SPOCK3: variants seen among roughly 807,000 people sequenced by gnomAD.
The protein encoded by SPOCK3 is testican-3.
In SPOCK3, 30 loss-of-function variants were observed where a neutral mutation model predicts 56.6. The ratio of observed to expected loss-of-function variants is 0.53; its 90% CI spans 0.40 to 0.72. SPOCK3 has a LOEUF of 0.72. Ranked by LOEUF, SPOCK3 falls within the 30% of genes least tolerant of loss-of-function variation. The probability of loss-of-function intolerance (pLI) is 0.00; values close to 1 mark genes in which losing one functional copy is unlikely to be tolerated. For missense variants in SPOCK3, 527 were observed against 530.0 expected (o/e 0.99, Z 0.06); for synonymous variants, 196 against 183.3 (o/e 1.07, Z -0.56).
chr4:166,963,653 C>T (rs898870092), intron 4 of SPOCK3, among the ~76,000 whole-genome samples: 2 of 151,856 alleles, frequency 1.3e-5, no homozygotes, highest in Non-Finnish European at 2.9e-5. Flanking sequence ...TTTAAAAAAA[C>T]AAATTAAAAT....
chr4:167,164,235 A>G (rs1765564723), intron 2 of SPOCK3, among the ~76,000 whole-genome samples: 1 of 152,116 alleles, frequency 6.6e-6, no homozygotes. Flanking sequence ...AATAAGTAAC[A>G]TTCTAGCTAA....
chr4:167,222,847 GAATATATA>G (rs1372551172), intron 2 of SPOCK3, among the ~76,000 whole-genome samples: 2 of 122,526 alleles, frequency 1.6e-5, no homozygotes, highest in African/African-American at 6.5e-5. Context: ...ATTGATATGT[GAATATATA>G]AATATATAAA....
At chr4:166,959,037 T>G (rs1004908380) in intron 4 of SPOCK3, among the ~76,000 whole-genome samples, 11 of 152,194 alleles carry the variant, frequency 7.2e-5, no homozygotes, top group Non-Finnish European at 1.5e-4. Flanking sequence ...TAATTTTTAT[T>G]TATAAAGGGT....
intron 5 of SPOCK3, among the ~76,000 whole-genome samples, chr4:166,909,997 C>CA (rs556250010): frequency 6.6e-6 from 1 of 151,738 alleles, no homozygotes; most frequent in Non-Finnish European, 1.5e-5. Context: ...GAGGGGGGAA[C>CA]AAAAAAACAC....
At chr4:166,843,994 G>A (rs1747786851) in intron 6 of SPOCK3, among the ~76,000 whole-genome samples, 1 of 152,146 alleles carries the variant, frequency 6.6e-6, no homozygotes, top group African/African-American at 2.4e-5. Context: ...CCAGGTATGT[G>A]AATGTGTCCA....
intron 7 of SPOCK3, among the ~76,000 whole-genome samples, chr4:166,766,346 T>G (rs535276683): frequency 4.6e-5 from 7 of 152,276 alleles, no homozygotes; most frequent in Middle Eastern, 3.4e-3. Flanking sequence ...GATCTTAATA[T>G]TTTGAGATAC....
At chr4:167,073,229 CTG>C (rs1389597272) in intron 2 of SPOCK3, among the ~76,000 whole-genome samples, 5 of 151,392 alleles carry the variant, frequency 3.3e-5, no homozygotes, top group Non-Finnish European at 7.4e-5. Flanking sequence ...GTTTATAAGA[CTG>C]TTTAATTATA....
intron 2 of SPOCK3, among the ~76,000 whole-genome samples, chr4:167,066,060 T>C (rs1012157134): frequency 6.6e-6 from 1 of 151,854 alleles, no homozygotes; most frequent in Non-Finnish European, 1.5e-5. Context: ...AAATAATAAC[T>C]ATAAGTTTTC....
At chr4:166,837,788 A>T (rs868830963) in intron 6 of SPOCK3, among the ~76,000 whole-genome samples, 1 of 152,088 alleles carries the variant, frequency 6.6e-6, no homozygotes. Context: ...TGATGTTTCA[A>T]TATTGTTTCC....
chr4:166,996,425 T>C (rs1366983667), intron 4 of SPOCK3, among the ~76,000 whole-genome samples: 2 of 152,128 alleles, frequency 1.3e-5, no homozygotes, highest in Non-Finnish European at 2.9e-5. Flanking sequence ...ACAAAAACAA[T>C]GAAACAATCA....
At chr4:167,089,413 G>C (rs959106936) in intron 2 of SPOCK3, among the ~76,000 whole-genome samples, 5 of 151,796 alleles carry the variant, frequency 3.3e-5, no homozygotes, top group Admixed American at 6.6e-5. Context: ...ATCAGTTTTT[G>C]CTCTGTTTTC....
chr4:166,812,517 T>C (rs2126729466), intron 6 of SPOCK3, among the ~76,000 whole-genome samples: 1 of 152,038 alleles, frequency 6.6e-6, no homozygotes, highest in East Asian at 1.9e-4. Context: ...TCACTTAAGA[T>C]AAATTTTCAT....
intron 3 of SPOCK3, among the ~76,000 whole-genome samples, chr4:167,009,234 T>C (rs998176988): frequency 6.6e-6 from 1 of 152,118 alleles, no homozygotes; most frequent in Non-Finnish European, 1.5e-5. Context: ...TTTTAGTATG[T>C]ATCCGAGGGC....
At chr4:167,093,240 A>G (rs971453813) in intron 2 of SPOCK3, among the ~76,000 whole-genome samples, 5 of 152,250 alleles carry the variant, frequency 3.3e-5, no homozygotes, top group East Asian at 1.9e-4. Flanking sequence ...GAATTACTCA[A>G]TTCCCCAATA....
intron 4 of SPOCK3, among the ~76,000 whole-genome samples, chr4:166,986,067 T>C (rs2558131): frequency 1 from 152,097 of 152,300 alleles, 75,947 homozygotes; most frequent in Non-Finnish European, 1. Context: ...AAATCTACAA[T>C]ACTATCATTT....
At chr4:167,204,217 G>A (rs912476854) in intron 2 of SPOCK3, among the ~76,000 whole-genome samples, 2 of 151,908 alleles carry the variant, frequency 1.3e-5, no homozygotes, top group African/African-American at 4.8e-5. Flanking sequence ...CAAGGAGGGT[G>A]GCTATCATAA....
Position 166,972,654 on chromosome 4 carries a change from C to G in SPOCK3, c.350+27695G>C, listed in dbSNP as rs147188633. Among the ~76,000 whole-genome samples, 263 of 148,816 alleles carry G rather than the reference C, an allele frequency of 1.8e-3. 1 individual carries two copies. The highest frequency in any genetic ancestry group is 6.2e-3 in the African/African-American group (246 of 39,814). On this transcript the variant is annotated intron_variant, in intron 4 of 10. Transcript: ENST00000357545. Reference sequence around the variant, plus strand: ...ACTAAAATTTGCCCAGTGGTGAGTCCACATTGTTTTAAGGATGTTTATTTT... The same window carrying G: ...ACTAAAATTTGCCCAGTGGTGAGTCGACATTGTTTTAAGGATGTTTATTTT...
intron 4 of SPOCK3, among the ~76,000 whole-genome samples, chr4:166,913,262 T>A (rs1396807564): frequency 6.6e-6 from 1 of 152,276 alleles, no homozygotes; most frequent in East Asian, 1.9e-4. Context: ...TGATAACAAA[T>A]CTCCTTTTGT....
Position 167,078,870 on chromosome 4 carries a change from C to A in SPOCK3, c.190-16333G>T, listed in dbSNP as rs563420689. 2.0e-5 allele frequency among the ~76,000 whole-genome samples: 3 copies of A among 151,972 alleles called. No individual in the cohort carries two copies. The South Asian group carries it at 6.2e-4, about 31-fold the overall frequency. On this transcript the variant is annotated intron_variant, in intron 2 of 10. Coordinates refer to ENST00000357545, the MANE Select transcript of SPOCK3 (RefSeq NM_001040159.2). ...TACTTACAGTCGTCTTATATTGCAG[C>A]TCTAGGCAAAAGCTAAAGTGCTCCC...
Sources: allele counts gnomAD v4.1 joint callset (sites outside exome capture counted in the v4.1 genomes callset), GRCh38; gene constraint gnomAD v4.1.1; transcripts MANE v1.5; gene names NCBI Gene and HGNC (gene_info 2026-07-23, HGNC 2026-07-21).